LINGO2: variants seen among roughly 807,000 people sequenced by gnomAD.
LINGO2 encodes the protein leucine rich repeat and Ig domain containing 2.
Under a neutral mutation model 30.6 loss-of-function variants are expected in LINGO2, and 14 were observed. The observed-to-expected ratio is 0.46, with a 90% CI of 0.30 to 0.72. The LOEUF (loss-of-function observed/expected upper bound fraction) is 0.72, where lower values mean the gene tolerates loss of function less well. LINGO2 is among the 30% of genes least tolerant of loss of function. The probability of loss-of-function intolerance (pLI) is 0.07; values close to 1 mark genes in which losing one functional copy is unlikely to be tolerated. For synonymous variants in LINGO2, 317 were observed against 288.5 expected (o/e 1.10, Z -1.00); for missense variants, 729 against 751.7 (o/e 0.97, Z 0.35).
the LINGO2 span, among the ~76,000 whole-genome samples, chr9:28,742,998 A>G: frequency 2.0e-5 from 3 of 151,974 alleles, no homozygotes. Flanking sequence ...TTACCTACAT[A>G]ATTGCCTATA....
At chr9:28,986,650 C>T in the LINGO2 span, among the ~76,000 whole-genome samples, 1 of 151,910 alleles carries the variant, frequency 6.6e-6, no homozygotes, top group Non-Finnish European at 1.5e-5. Context: ...GGTTATGTAC[C>T]TATAAACCCA....
chr9:28,490,081 A>C (rs188399703), intron 1 of LINGO2, among the ~76,000 whole-genome samples: 32 of 152,234 alleles, frequency 2.1e-4, no homozygotes, highest in African/African-American at 7.5e-4. Flanking sequence ...AAAATCAGTC[A>C]GCAAAGTCCC....
At chr9:28,413,463 C>G (rs16912921) in intron 2 of LINGO2, among the ~76,000 whole-genome samples, 1 of 151,844 alleles carries the variant, frequency 6.6e-6, no homozygotes, top group Non-Finnish European at 1.5e-5. Context: ...AAGTGATATG[C>G]GAACTCTATA....
At chr9:28,810,530 G>C in the LINGO2 span, among the ~76,000 whole-genome samples, 1 of 152,130 alleles carries the variant, frequency 6.6e-6, no homozygotes, top group Non-Finnish European at 1.5e-5. Flanking sequence ...GCTCCTGATA[G>C]AGTTCAGATT....
the LINGO2 span, among the ~76,000 whole-genome samples, chr9:28,710,632 C>G: frequency 6.6e-6 from 1 of 151,926 alleles, no homozygotes; most frequent in African/African-American, 2.4e-5. Flanking sequence ...CAGTCTCTTT[C>G]TAAATTTCAC....
At chr9:29,033,084 A>T in the LINGO2 span, among the ~76,000 whole-genome samples, 1 of 152,058 alleles carries the variant, frequency 6.6e-6, no homozygotes, top group African/African-American at 2.4e-5. Flanking sequence ...ATTTCAGGCT[A>T]TTTTCTTGCC....
chr9:28,758,989 A>G, the LINGO2 span, among the ~76,000 whole-genome samples: 24 of 152,006 alleles, frequency 1.6e-4, 1 homozygote, highest in Admixed American at 3.3e-4. Flanking sequence ...GAGCATGTGT[A>G]GTTTCCCTTA....
the LINGO2 span, among the ~76,000 whole-genome samples, chr9:28,776,087 G>A: frequency 6.6e-6 from 1 of 152,108 alleles, no homozygotes; most frequent in South Asian, 2.1e-4. Context: ...ATGGTTTTGA[G>A]GATCCTGAAA....
At chr9:27,988,451 C>T (rs994108012) in intron 5 of LINGO2, among the ~76,000 whole-genome samples, 1 of 151,924 alleles carries the variant, frequency 6.6e-6, no homozygotes, top group Non-Finnish European at 1.5e-5. Context: ...GTTGAACTAG[C>T]TTACAGTCCC....
the LINGO2 span, among the ~76,000 whole-genome samples, chr9:28,853,482 C>T: frequency 8.6e-5 from 13 of 151,992 alleles, no homozygotes; most frequent in Non-Finnish European, 1.5e-4. Context: ...GAAACACATG[C>T]TCCAGAGATA....
intron 3 of LINGO2, among the ~76,000 whole-genome samples, chr9:28,332,946 G>A (rs1011854604): frequency 3.9e-5 from 6 of 152,090 alleles, no homozygotes; most frequent in African/African-American, 7.2e-5. Context: ...GAAGGGGATC[G>A]GGTAAACATC....
intron 3 of LINGO2, among the ~76,000 whole-genome samples, chr9:28,355,793 C>T (rs1361783988): frequency 1.3e-5 from 2 of 150,978 alleles, no homozygotes; most frequent in African/African-American, 4.8e-5. Context: ...ATGTGACTTG[C>T]ATTAAGGTAT....
chr9:28,219,444 T>C (rs1189971848), intron 4 of LINGO2, among the ~76,000 whole-genome samples: 1 of 152,186 alleles, frequency 6.6e-6, no homozygotes, highest in African/African-American at 2.4e-5. Flanking sequence ...ATAGCAAGAA[T>C]AATGCCAAGT....
intron 4 of LINGO2, among the ~76,000 whole-genome samples, chr9:28,054,104 G>T (rs1372813964): frequency 1.3e-5 from 2 of 152,004 alleles, no homozygotes; most frequent in Non-Finnish European, 2.9e-5. Context: ...TGGGAGGTGG[G>T]GAGAAGCCTG....
chr9:28,448,801 G>A (rs1015570976), intron 2 of LINGO2, among the ~76,000 whole-genome samples: 1 of 152,062 alleles, frequency 6.6e-6, no homozygotes, highest in African/African-American at 2.4e-5. Flanking sequence ...ACAGCAAATA[G>A]AGGAAAGAGT....
intron 1 of LINGO2, among the ~76,000 whole-genome samples, chr9:28,666,950 C>G (rs534426055): frequency 6.6e-6 from 1 of 152,160 alleles, no homozygotes; most frequent in East Asian, 1.9e-4. Context: ...ATTAAAATCA[C>G]TTTAAATTAA....
chr9:28,245,213 C>T (rs1269560273), intron 4 of LINGO2, among the ~76,000 whole-genome samples: 2 of 152,062 alleles, frequency 1.3e-5, no homozygotes, highest in African/African-American at 4.8e-5. Flanking sequence ...ACCACATGAT[C>T]GTCTCAATAA....
the LINGO2 span, among the ~76,000 whole-genome samples, chr9:28,764,070 C>T: frequency 6.6e-6 from 1 of 151,374 alleles, no homozygotes; most frequent in Non-Finnish European, 1.5e-5. Context: ...GACTAGATGA[C>T]TTAATGACTG....
the LINGO2 span, among the ~76,000 whole-genome samples, chr9:29,202,353 C>T: frequency 4.6e-5 from 7 of 152,014 alleles, no homozygotes; most frequent in Non-Finnish European, 7.4e-5. Flanking sequence ...TGAATCCCAA[C>T]GTGCAAAGCC....
Sources: gnomAD v4.1 joint callset for allele counts (sites outside exome capture counted in the v4.1 genomes callset) on GRCh38, gnomAD v4.1.1 for gene constraint, MANE v1.5 for transcripts, NCBI Gene and HGNC (gene_info 2026-07-23, HGNC 2026-07-21) for gene names.